Variants in ESS2 observed in about 807,000 individuals in gnomAD.
The protein encoded by ESS2 is ess-2 spliceosome associated protein.
A neutral mutation model predicts 52.0 loss-of-function variants in ESS2; 31 were observed. The observed-to-expected ratio is 0.60, with a 90% CI of 0.45 to 0.81. The LOEUF is 0.81. ESS2 is among the 30% of genes least tolerant of loss of function. The pLI is 0.00. For synonymous variants in ESS2, 285 were observed against 259.2 expected, an observed-to-expected ratio of 1.10 and a Z score of -0.95; for missense variants, 602 against 637.2, an observed-to-expected ratio of 0.94 and a Z score of 0.59.
chr22:19,132,341 G>A lies in ESS2; in HGVS notation c.*1855C>T. 1 of 1,613,036 alleles carries A rather than the reference G, an allele frequency of 6.2e-7. No homozygotes were observed. Among genetic ancestry groups the A allele is most frequent in the Non-Finnish European group, 8.5e-7 (1 of 1,180,002 alleles). On this transcript the variant is annotated 3_prime_UTR_variant, in exon 10 of 10. Coordinates refer to ENST00000252137, the MANE Select transcript of ESS2 (RefSeq NM_022719.3). This position sits in a 1 kb window ranked among gnomAD's most constrained non-coding sequence, Gnocchi z 4.2. ...GGCCCGACCACCGGCCCGACCACAA[G>A]CTTGGAGCCAAAACCCAGCACCGGC...
rs764030211 is a variant in ESS2 at position 19,137,359 on chromosome 22, C to T, written c.999G>A (p.Thr333=). 22 of 1,613,758 alleles carry T rather than the reference C, an allele frequency of 1.4e-5. No individual in the cohort carries two copies. The highest frequency in any genetic ancestry group is 3.3e-5 in the South Asian group (3 of 91,072). Residue 333 remains threonine (T), a synonymous_variant, in exon 8 of 10, where the codon ACG becomes ACA. Coordinates refer to ENST00000252137, the MANE Select transcript of ESS2 (RefSeq NM_022719.3). ...NTPLRVEGSE[T]PYVDRTPGPA... is the part of the protein sequence containing the mutation. ...GGCCGGGTGTCCTGTCCACGTAGGG[C>T]GTTTCCGACCCTTCAACTCTCAAGG... is the stretch of plus-strand genomic sequence containing the variant.
chr22:19,131,978 G>C lies in ESS2; in HGVS notation c.*2218C>G. ...AGGTGCTGCAGAGCATCCCCTACCAGCCCAAGGTGTATGACATCTGGAGCC... is the reference window on the plus strand; with the variant it reads ...AGGTGCTGCAGAGCATCCCCTACCACCCCAAGGTGTATGACATCTGGAGCC... On this transcript the variant is annotated 3_prime_UTR_variant, in exon 10 of 10. Coordinates refer to ENST00000252137, the MANE Select transcript of ESS2 (RefSeq NM_022719.3). The surrounding 1 kb of genome is among the most constrained non-coding windows in gnomAD (Gnocchi z 5.7). The C allele has an allele frequency of 6.2e-7, 1 of 1,614,206 alleles. No individual in the cohort carries two copies. Among genetic ancestry groups the C allele is most frequent in the Non-Finnish European group, 8.5e-7 (1 of 1,180,042 alleles).
In ESS2 at chr22:19,136,516, G is replaced by A. The variant is rs577222169; in HGVS notation, c.1035+807C>T. On this transcript the variant is annotated intron_variant, in intron 8 of 9. Coordinates refer to ENST00000252137, the MANE Select transcript of ESS2 (RefSeq NM_022719.3). The stretch of plus-strand genomic sequence containing the variant: ...ATTTCTAAATACTCTGCTATTCAGT[G>A]CAATCTGAGTTGCCATCTTTATCGG... Among the ~76,000 whole-genome samples the A allele has an allele frequency of 3.3e-5, 5 of 152,240 alleles. No individual in the cohort carries two copies. The East Asian group carries it at 7.7e-4, about 24-fold the overall frequency.
intron 1 of ESS2, 76 bp from the exon 2 acceptor site, chr22:19,142,970 G>T: frequency 1.4e-6 from 2 of 1,400,310 alleles, no homozygotes; most frequent in Non-Finnish European, 2.0e-6. Flanking sequence ...ACTTTGGGAG[G>T]CCAAGGGAGG....
chr22:19,132,623 C>G lies in ESS2; in HGVS notation c.*1573G>C, dbSNP rs1436989241. On this transcript the variant is annotated 3_prime_UTR_variant, in exon 10 of 10. Transcript: ENST00000252137. This position sits in a 1 kb window ranked among gnomAD's most constrained non-coding sequence, Gnocchi z 4.2. The stretch of plus-strand genomic sequence containing the variant: ...GTCAATTAAACCACTATTTTGATTA[C>G]GTTCCATTAGCTTTCTTCCACTTAG... 10 of 785,070 alleles carry G rather than the reference C, an allele frequency of 1.3e-5. No homozygotes were observed. Among genetic ancestry groups the G allele is most frequent in the Non-Finnish European group, 2.1e-5 (10 of 477,760 alleles). The allele number at this position is 785,070 out of a possible 1,614,324, so 48.6% of individuals were successfully genotyped here.
At chr22:19,142,698 C>G (rs755230860) in intron 2 of ESS2, 28 bp downstream of exon 2, 1 of 1,610,490 alleles carries the variant, frequency 6.2e-7, no homozygotes, top group East Asian at 2.2e-5. Context: ...AGGCTTTCCC[C>G]TCTCCGCCAC....
chr22:19,140,072 G>T (rs1180861703), intron 3 of ESS2, 48 bp from the exon 4 acceptor site: 1 of 1,597,944 alleles, frequency 6.3e-7, no homozygotes. Flanking sequence ...TTGCAGTCAG[G>T]AAAGAGGAGG....
At position 19,138,372 on chromosome 22, in the gene ESS2, T is replaced by C. The variant is rs114959554; in HGVS notation, c.823-55A>G. 3.1e-3 allele frequency: 4,730 copies of C among 1,529,902 alleles called. 128 individuals are homozygous for C. The African/African-American group carries it at 0.057, about 18-fold the overall frequency. The allele number at this position is 1,529,902 out of a possible 1,614,324, so 94.8% of individuals were successfully genotyped here. A position where few individuals can be genotyped will look rare whatever the true frequency, so the allele number is the denominator to read the frequency against. Reference sequence around the variant, plus strand: ...GGGACCGCAGCCCACGCTCGACAGCTGGCCGGTGGGCAAACACGTGGGAAC... The same window carrying C: ...GGGACCGCAGCCCACGCTCGACAGCCGGCCGGTGGGCAAACACGTGGGAAC... On this transcript the variant is annotated intron_variant, in intron 6 of 9. Coordinates refer to ENST00000252137, the MANE Select transcript of ESS2 (RefSeq NM_022719.3).
rs1425151883 is a variant in ESS2, at chr22:19,139,868, TC to T, written c.556del (p.Glu186LysfsTer75). 1 of 1,614,024 alleles carries T rather than the reference TC, an allele frequency of 6.2e-7. No homozygotes were observed. Among genetic ancestry groups the T allele is most frequent in the South Asian group, 1.1e-5 (1 of 91,060 alleles). On this transcript the variant is annotated frameshift_variant, in exon 4 of 10. Coordinates refer to ENST00000252137, the MANE Select transcript of ESS2 (RefSeq NM_022719.3). LOFTEE classifies it high-confidence loss of function. Reference protein sequence around the residue: ...ARHAWLYQAEEEFEKRQKDNL... With the variant: ...ARHAWLYQAEXEFEKRQKDNL... ...CCCCAGAGACACCTTCTCAAACTCT[TC>T]CTCAGCCTGGTAGAGCCAAGCGTGG...
chr22:19,132,199 T>C lies in ESS2; in HGVS notation c.*1997A>G. 6.2e-7 allele frequency: 1 copy of C among 1,612,768 alleles called. No individual in the cohort carries two copies. Among genetic ancestry groups the C allele is most frequent in the East Asian group, 2.2e-5 (1 of 44,844 alleles). On this transcript the variant is annotated 3_prime_UTR_variant, in exon 10 of 10. Transcript: ENST00000252137. The surrounding 1 kb of genome is among the most constrained non-coding windows in gnomAD (Gnocchi z 4.2). The stretch of plus-strand genomic sequence containing the variant: ...CAGCGGCTCCACATCGATGAGATCC[T>C]CAGCCACTCGTGGCTGCAGCCCCCC...
At position 19,131,282 on chromosome 22, in the gene ESS2, G is replaced by A. The variant is rs1005094210; in HGVS notation, c.*2914C>T. On this transcript the variant is annotated 3_prime_UTR_variant, in exon 10 of 10. Transcript: ENST00000252137. The surrounding 1 kb of genome is among the most constrained non-coding windows in gnomAD (Gnocchi z 5.7). ...ATGCTGAGTGTTCCACCCCTGAGTC[G>A]AAGCCCAGCCCAGGGCAGCCCAGCC... 41 of 859,666 alleles carry A rather than the reference G, an allele frequency of 4.8e-5. No homozygotes were observed. The Admixed American group carries it at 6.3e-4, about 13-fold the overall frequency. 53.3% of individuals were successfully genotyped at this position (859,666 alleles called of 1,614,324 possible). A position where few individuals can be genotyped will look rare whatever the true frequency, so the allele number is the denominator to read the frequency against.
Position 19,138,243 on chromosome 22 carries a change from T to C in ESS2, c.897A>G (p.Gly299=). The change falls in exon 7 of 10, where the codon GGA becomes GGG. Residue 299 remains glycine, a synonymous_variant. Transcript: ENST00000252137. The part of the protein sequence containing the change: ...PQESPRVGGF[G]FVATPSPAPG... Reference sequence around the variant, plus strand: ...GGGCAGGGGAAGGAGTGGCAACAAATCCAAATCCACCCACTCGAGGGGACT... The same window carrying C: ...GGGCAGGGGAAGGAGTGGCAACAAACCCAAATCCACCCACTCGAGGGGACT... 1 of 1,613,852 alleles carries C rather than the reference T, an allele frequency of 6.2e-7. No homozygotes were observed. The highest frequency in any genetic ancestry group is 8.5e-7 in the Non-Finnish European group (1 of 1,179,920).
chr22:19,134,043 G>A lies in ESS2; in HGVS notation c.*153C>T. On this transcript the variant is annotated 3_prime_UTR_variant, in exon 10 of 10. Coordinates refer to ENST00000252137, the MANE Select transcript of ESS2 (RefSeq NM_022719.3). ...GGGCACGAGTGCCTTGTGCCAGTCT[G>A]GCCCCAGCACAGCCCCTTTCTCCAG... is the stretch of plus-strand genomic sequence containing the variant. The A allele has an allele frequency of 1.1e-6, 1 of 943,796 alleles. No homozygotes were observed. The highest frequency in any genetic ancestry group is 1.4e-6 in the Non-Finnish European group (1 of 707,092). The allele number at this position is 943,796 out of a possible 1,614,324, so 58.5% of individuals were successfully genotyped here.
At chr22:19,144,127 A>T (rs2083743310) in intron 1 of ESS2, 8 of 1,040,358 alleles carry the variant, frequency 7.7e-6, no homozygotes, top group Non-Finnish European at 8.1e-6. Flanking sequence ...CACTCACTCG[A>T]GATGCTGTCA....
chr22:19,143,222 A>ATT (rs1211612100), intron 1 of ESS2, among the ~76,000 whole-genome samples: 1 of 138,478 alleles, frequency 7.2e-6, no homozygotes, highest in African/African-American at 2.7e-5. Context: ...AAAAAAAAAG[A>ATT]AAAAAGAAAG....
Position 19,138,841 on chromosome 22 carries a change from C to T in ESS2, c.822+318G>A, listed in dbSNP as rs573661627. On this transcript the variant is annotated intron_variant, in intron 6 of 9. Coordinates refer to ENST00000252137, the MANE Select transcript of ESS2 (RefSeq NM_022719.3). Reference sequence around the variant, plus strand: ...ACCCCCTGGGGCTGGGCTCCCTCTGCGGCTCTCTGGCTTCCCTGCCCGGTG... The same window carrying T: ...ACCCCCTGGGGCTGGGCTCCCTCTGTGGCTCTCTGGCTTCCCTGCCCGGTG... Among the ~76,000 whole-genome samples the T allele has an allele frequency of 2.6e-4, 40 of 152,306 alleles. 1 individual carries two copies. The highest frequency in any genetic ancestry group is 1.7e-3 in the Admixed American group (26 of 15,306).
intron 2 of ESS2, 30 bp from the exon 3 acceptor site, chr22:19,142,663 A>G: frequency 1.2e-6 from 2 of 1,610,708 alleles, no homozygotes; most frequent in Non-Finnish European, 1.7e-6. Flanking sequence ...TAAGAATTAG[A>G]GTGAGCCTGA....
intron 3 of ESS2, among the ~76,000 whole-genome samples, chr22:19,141,486 C>T (rs954138172): frequency 2.6e-5 from 4 of 152,170 alleles, no homozygotes; most frequent in African/African-American, 4.8e-5. Context: ...CATCAAGTCA[C>T]GATGTTACCA....
chr22:19,139,118 T>C (rs2298273), intron 6 of ESS2, 41 bp downstream of exon 6: 308,874 of 1,549,994 alleles, frequency 0.2, 32,886 homozygotes, highest in African/African-American at 0.33. Flanking sequence ...GGCAGCCCTG[T>C]CCAACCTGGC....
Sources: gnomAD v4.1 joint callset for allele counts (sites outside exome capture counted in the v4.1 genomes callset) on GRCh38, gnomAD v4.1.1 for gene constraint, Gnocchi (gnomAD v3.1) non-coding constraint, MANE v1.5 for transcripts, NCBI Gene and HGNC (gene_info 2026-07-23, HGNC 2026-07-21) for gene names.